The following FMNL2 variants were observed in gnomAD, a reference collection of about 807,000 sequenced individuals.
FMNL2 encodes formin-like protein 2.
In FMNL2, 51 loss-of-function variants were observed where a neutral mutation model predicts 130.2. That is an observed-to-expected ratio of 0.39 (90% CI 0.31 to 0.49). FMNL2 has a LOEUF of 0.49. Among genes scored for constraint, FMNL2 ranks in the 20% least tolerant of loss-of-function variants. FMNL2 has a pLI of 0.85. For missense variants in FMNL2, 977 were observed against 1,316.2 expected (o/e 0.74, Z 3.99); for synonymous variants, 465 against 467.1 (o/e 1.00, Z 0.06).
intron 2 of FMNL2, among the ~76,000 whole-genome samples, chr2:152,535,334 A>G (rs1232863067): frequency 1.3e-5 from 2 of 152,176 alleles, no homozygotes; most frequent in East Asian, 3.9e-4. Context: ...ATATCTGTGC[A>G]CTGCCTGCCT....
In FMNL2 at chr2:152,335,597, C is replaced by T. The variant is rs1240501645; in HGVS notation, c.-7C>T. The T allele has an allele frequency of 1.3e-6, 2 of 1,582,286 alleles. No homozygotes were observed. Among genetic ancestry groups the T allele is most frequent in the African/African-American group, 1.4e-5 (1 of 71,272 alleles). ...GGAGCAGCCCCCGGCCCCGGCGCGC[C>T]GCCGACATGGGCAACGCAGGGAGCA... On this transcript the variant is annotated 5_prime_UTR_variant, in exon 1 of 26. Coordinates refer to ENST00000288670, the MANE Select transcript of FMNL2 (RefSeq NM_052905.4).
At chr2:152,484,790 A>C (rs1317281543) in intron 1 of FMNL2, among the ~76,000 whole-genome samples, 1 of 143,292 alleles carries the variant, frequency 7.0e-6, no homozygotes, top group East Asian at 1.9e-4. Flanking sequence ...GAGAGCTATC[A>C]ATGGCTTTAG....
intron 1 of FMNL2, among the ~76,000 whole-genome samples, chr2:152,461,843 A>G (rs750886900): frequency 1.3e-5 from 2 of 151,938 alleles, no homozygotes; most frequent in Admixed American, 6.6e-5. Flanking sequence ...GAAAATGTGC[A>G]ATGTTGGCAC....
chr2:152,395,347 A>C (rs1685335927), intron 1 of FMNL2, among the ~76,000 whole-genome samples: 2 of 152,224 alleles, frequency 1.3e-5, no homozygotes, highest in Non-Finnish European at 2.9e-5. Context: ...ATCAAGTTCT[A>C]GGCAAGAGAT....
intron 3 of FMNL2, among the ~76,000 whole-genome samples, chr2:152,545,932 G>A (rs1043062637): frequency 2.0e-5 from 3 of 152,164 alleles, no homozygotes; most frequent in Non-Finnish European, 2.9e-5. Context: ...GTTTGCCTCC[G>A]TTATCAGGCA....
At position 152,640,605 on chromosome 2, in the gene FMNL2, C is replaced by T. The variant is rs577996209; in HGVS notation, c.3046-186C>T. ...GCTGCCAGGTGAAGTTTTGTGTGTT[C>T]GTCAGTGGAAGTTTTTGTTTCCTTC... On this transcript the variant is annotated intron_variant, in intron 24 of 25. Coordinates refer to ENST00000288670, the MANE Select transcript of FMNL2 (RefSeq NM_052905.4). 2.6e-5 allele frequency among the ~76,000 whole-genome samples: 4 copies of T among 152,290 alleles called. No homozygotes were observed. The East Asian group carries it at 5.8e-4, about 22-fold the overall frequency.
chr2:152,411,150 G>A (rs1686264771), intron 1 of FMNL2, among the ~76,000 whole-genome samples: 1 of 152,164 alleles, frequency 6.6e-6, no homozygotes, highest in Non-Finnish European at 1.5e-5. Context: ...TTTCCTAAGG[G>A]ATAGTCAGCT....
At chr2:152,350,182 C>T (rs1219613603) in intron 1 of FMNL2, among the ~76,000 whole-genome samples, 4 of 152,054 alleles carry the variant, frequency 2.6e-5, no homozygotes, top group African/African-American at 9.7e-5. Flanking sequence ...GGTAAGAGCC[C>T]TCGGGAGGGA....
At chr2:152,593,600 A>G (rs771683128) in intron 9 of FMNL2, among the ~76,000 whole-genome samples, 1 of 152,244 alleles carries the variant, frequency 6.6e-6, no homozygotes, top group Non-Finnish European at 1.5e-5. Flanking sequence ...GATCCACCGA[A>G]TATGAGAATG....
At chr2:152,426,891 A>G (rs1687227969) in intron 1 of FMNL2, among the ~76,000 whole-genome samples, 2 of 152,154 alleles carry the variant, frequency 1.3e-5, no homozygotes, top group African/African-American at 2.4e-5. Context: ...TAAGAAAAGT[A>G]AATTTTAAGC....
intron 6 of FMNL2, among the ~76,000 whole-genome samples, chr2:152,568,645 A>G (rs377086640): frequency 6.6e-6 from 1 of 152,294 alleles, no homozygotes; most frequent in Non-Finnish European, 1.5e-5. Context: ...GAAACTTACA[A>G]TCCTAGTGGA....
At chr2:152,344,343 C>T (rs1052540419) in intron 1 of FMNL2, among the ~76,000 whole-genome samples, 5 of 151,856 alleles carry the variant, frequency 3.3e-5, no homozygotes, top group Admixed American at 3.3e-4. Context: ...ACCCCAAAGA[C>T]CAAGCCAATT....
In FMNL2 at chr2:152,611,980, G is replaced by T. The variant is rs185917487; in HGVS notation, c.1062+375G>T. On this transcript the variant is annotated intron_variant, in intron 11 of 25. Transcript: ENST00000288670. ...CGGGGACCCCATCTGGGCAGAGAAAGTCAAGCCAAGACTGTAGAGTGATGA... is the reference window on the plus strand; with the variant it reads ...CGGGGACCCCATCTGGGCAGAGAAATTCAAGCCAAGACTGTAGAGTGATGA... Among the ~76,000 whole-genome samples, 159 of 152,282 alleles carry T rather than the reference G, an allele frequency of 1.0e-3. 1 individual carries two copies. Among genetic ancestry groups the T allele is most frequent in the South Asian group, 3.5e-3 (17 of 4,820 alleles).
Position 152,581,033 on chromosome 2 carries a change from T to C in FMNL2, c.860T>C (p.Phe287Ser). Residue 287 changes from phenylalanine (F) to serine (S), a missense_variant, in exon 9 of 26, where the codon TTT becomes TCT. Physicochemically the swap from Phe to Ser is radical, Grantham distance 155 (BLOSUM62 -2). Transcript: ENST00000288670. ...RGGHEIILSAFDNFKEVCGEK... is the reference protein window; with the variant it reads ...RGGHEIILSASDNFKEVCGEK... ...GGGCATGAAATCATTTTATCAGCAT[T>C]TGATAACTTTAAAGAGGTAGGCTAC... The C allele has an allele frequency of 6.2e-7, 1 of 1,613,834 alleles. No individual in the cohort carries two copies. Among genetic ancestry groups the C allele is most frequent in the Non-Finnish European group, 8.5e-7 (1 of 1,179,798 alleles).
intron 1 of FMNL2, among the ~76,000 whole-genome samples, chr2:152,336,766 T>C (rs1681489497): frequency 1.3e-5 from 2 of 152,132 alleles, no homozygotes; most frequent in South Asian, 4.1e-4. Flanking sequence ...TCATTCCTAC[T>C]CCTGACACTT....
intron 8 of FMNL2, among the ~76,000 whole-genome samples, chr2:152,579,168 A>G (rs149507009): frequency 1.4e-3 from 218 of 152,302 alleles, no homozygotes; most frequent in African/African-American, 4.9e-3. Context: ...ACTGGTGACA[A>G]TTCTAGCCCT....
At chr2:152,546,967 A>G (rs1268828042) in intron 3 of FMNL2, among the ~76,000 whole-genome samples, 2 of 131,072 alleles carry the variant, frequency 1.5e-5, no homozygotes, top group African/African-American at 3.0e-5. Context: ...TTTTTTTGAG[A>G]TGGAGTCTCG....
chr2:152,616,178 A>T (rs141190216), intron 12 of FMNL2, among the ~76,000 whole-genome samples: 1 of 152,260 alleles, frequency 6.6e-6, no homozygotes, highest in South Asian at 2.1e-4. Flanking sequence ...CTATGTGAAA[A>T]GCAGCTGTTT....
intron 1 of FMNL2, among the ~76,000 whole-genome samples, chr2:152,484,628 G>A (rs944962306): frequency 6.6e-6 from 1 of 152,084 alleles, no homozygotes; most frequent in African/African-American, 2.4e-5. Flanking sequence ...AAAATTAGCC[G>A]AGCATGGTGG....
Sources: gnomAD v4.1 joint callset for allele counts (sites outside exome capture counted in the v4.1 genomes callset) on GRCh38, gnomAD v4.1.1 for gene constraint, MANE v1.5 for transcripts, NCBI Gene and HGNC (gene_info 2026-07-23, HGNC 2026-07-21) for gene names.